The following ENTREP2 variants were observed in gnomAD, a reference collection of about 807,000 sequenced individuals.
ENTREP2 encodes the protein endosomal transmembrane epsin interactor 2.
At chr15:29,152,813 T>C in the ENTREP2 span, among the ~76,000 whole-genome samples, 2 of 152,332 alleles carry the variant, frequency 1.3e-5, no homozygotes, top group East Asian at 1.9e-4. Context: ...AGGAGCACAA[T>C]TGCTGATTTG....
the ENTREP2 span, among the ~76,000 whole-genome samples, chr15:29,129,780 C>T: frequency 6.6e-6 from 1 of 152,210 alleles, no homozygotes; most frequent in African/African-American, 2.4e-5. Context: ...GTTTCCACCT[C>T]AGAGGGCATC....
the ENTREP2 span, among the ~76,000 whole-genome samples, chr15:29,589,755 C>G: frequency 6.6e-6 from 1 of 152,290 alleles, no homozygotes; most frequent in Non-Finnish European, 1.5e-5. Context: ...GTGATACAGA[C>G]AGTAGGAAAA....
chr15:29,226,431 C>G, the ENTREP2 span, among the ~76,000 whole-genome samples: 1 of 152,168 alleles, frequency 6.6e-6, no homozygotes, highest in African/African-American at 2.4e-5. Context: ...TCTGGGCCAT[C>G]ATGACAACGC....
the ENTREP2 span, among the ~76,000 whole-genome samples, chr15:29,520,592 A>C: frequency 6.6e-6 from 1 of 152,200 alleles, no homozygotes; most frequent in South Asian, 2.1e-4. Context: ...TAAAAAAAAA[A>C]AATTAGAAGA....
At chr15:29,383,845 A>G in the ENTREP2 span, among the ~76,000 whole-genome samples, 1 of 152,070 alleles carries the variant, frequency 6.6e-6, no homozygotes, top group African/African-American at 2.4e-5. Flanking sequence ...AGCCTCTCAC[A>G]CGTGTATTTT....
chr15:29,158,820 G>A, the ENTREP2 span, among the ~76,000 whole-genome samples: 6 of 152,238 alleles, frequency 3.9e-5, no homozygotes, highest in East Asian at 7.7e-4. Flanking sequence ...TAAAGTTAAG[G>A]AAGTTATGTA....
At chr15:29,346,313 C>G in the ENTREP2 span, among the ~76,000 whole-genome samples, 1 of 152,284 alleles carries the variant, frequency 6.6e-6, no homozygotes, top group East Asian at 1.9e-4. Context: ...TGCCACTCAC[C>G]GGCCGGGGAC....
the ENTREP2 span, among the ~76,000 whole-genome samples, chr15:29,640,141 G>T: frequency 6.6e-6 from 1 of 152,062 alleles, no homozygotes; most frequent in Non-Finnish European, 1.5e-5. Flanking sequence ...AAAAGAGAGA[G>T]AAATCAAATT....
At chr15:29,196,454 G>A in the ENTREP2 span, 1 of 1,551,724 alleles carries the variant, frequency 6.4e-7, no homozygotes, top group Non-Finnish European at 8.7e-7. Flanking sequence ...TCACAGCGTT[G>A]CAGTTCTCCT....
At chr15:29,425,920 TA>T in the ENTREP2 span, among the ~76,000 whole-genome samples, 1 of 151,640 alleles carries the variant, frequency 6.6e-6, no homozygotes, top group Admixed American at 6.6e-5. Flanking sequence ...TTCATTGGTT[TA>T]ATTGCTTACT....
the ENTREP2 span, among the ~76,000 whole-genome samples, chr15:29,608,522 TTTA>T: frequency 0.019 from 2,687 of 140,520 alleles, 41 homozygotes; most frequent in African/African-American, 0.04. Context: ...TCCTGCCTTC[TTTA>T]TTATTATTAT....
the ENTREP2 span, among the ~76,000 whole-genome samples, chr15:29,159,824 A>C: frequency 6.6e-6 from 1 of 152,202 alleles, no homozygotes; most frequent in African/African-American, 2.4e-5. Context: ...AGCTAGACAT[A>C]AAGGTTCTCC....
chr15:29,633,321 T>C, the ENTREP2 span, among the ~76,000 whole-genome samples: 1 of 152,184 alleles, frequency 6.6e-6, no homozygotes, highest in Non-Finnish European at 1.5e-5. Context: ...AGGGAGGGGT[T>C]GGAGGAAATA....
the ENTREP2 span, among the ~76,000 whole-genome samples, chr15:29,142,551 G>A: frequency 6.6e-6 from 1 of 152,318 alleles, no homozygotes; most frequent in East Asian, 1.9e-4. Flanking sequence ...TGGTGAACTT[G>A]GTGATGCTGT....
At chr15:29,311,745 C>G in the ENTREP2 span, among the ~76,000 whole-genome samples, 1 of 152,098 alleles carries the variant, frequency 6.6e-6, no homozygotes, top group Non-Finnish European at 1.5e-5. Context: ...AACATTCTTT[C>G]AATAAGTAGA....
chr15:29,229,373 T>G, the ENTREP2 span, among the ~76,000 whole-genome samples: 1 of 152,156 alleles, frequency 6.6e-6, no homozygotes, highest in Admixed American at 6.5e-5. Flanking sequence ...ATTTACACTG[T>G]AAACATGCTC....
the ENTREP2 span, among the ~76,000 whole-genome samples, chr15:29,178,404 C>T: frequency 6.6e-6 from 1 of 152,026 alleles, no homozygotes; most frequent in South Asian, 2.1e-4. Context: ...CCCAAGTGTT[C>T]ACAATGCATC....
chr15:29,260,317 A>G, the ENTREP2 span, among the ~76,000 whole-genome samples: 1 of 152,254 alleles, frequency 6.6e-6, no homozygotes, highest in East Asian at 1.9e-4. Flanking sequence ...GAATATACAC[A>G]GAAAATCCTC....
the ENTREP2 span, among the ~76,000 whole-genome samples, chr15:29,249,993 AGGGAATGG>A: frequency 2.0e-5 from 3 of 152,136 alleles, no homozygotes; most frequent in Non-Finnish European, 2.9e-5. Context: ...GGCAGCACCG[AGGGAATGG>A]TGCTAACCAC....
Sources: gnomAD v4.1 joint callset for allele counts (sites outside exome capture counted in the v4.1 genomes callset) on GRCh38, gnomAD v4.1.1 for gene constraint, MANE v1.5 for transcripts, NCBI Gene and HGNC (gene_info 2026-07-23, HGNC 2026-07-21) for gene names.